The following SLC13A1 variants were observed in gnomAD, a reference collection of about 807,000 sequenced individuals.
SLC13A1 encodes solute carrier family 13 member 1, also known as Na(+)/sulfate cotransporter.
A neutral mutation model predicts 70.0 loss-of-function variants in SLC13A1; 65 were observed. The ratio of observed to expected loss-of-function variants is 0.93; its 90% CI spans 0.76 to 1.14. The LOEUF is 1.14. Among genes scored for constraint, SLC13A1 ranks in the 50% most tolerant of loss-of-function variants. SLC13A1 has a pLI of 0.00. For synonymous variants in SLC13A1, 275 were observed against 250.5 expected (o/e 1.10, Z -0.92); for missense variants, 726 against 717.8 (o/e 1.01, Z -0.13).
chr7:123,125,568 C>T lies in SLC13A1; in HGVS notation c.1240+1G>A. The T allele has an allele frequency of 6.3e-7, 1 of 1,592,628 alleles. No individual in the cohort carries two copies. Among genetic ancestry groups the T allele is most frequent in the African/African-American group, 1.4e-5 (1 of 73,936 alleles). On this transcript the variant is annotated splice_donor_variant, in intron 11 of 14. Transcript: ENST00000194130. LOFTEE classifies it high-confidence loss of function. ...ATGCAGAATTATAAATGATACTCAA[C>T]CAATTTCTCCTGTAGGTGTAGTTTT...
chr7:123,115,800 T>C (rs1793162121), intron 14 of SLC13A1, 145 bp from the exon 15 acceptor site: 2 of 820,824 alleles, frequency 2.4e-6, no homozygotes, highest in African/African-American at 3.5e-5. Flanking sequence ...TACTTTAAGT[T>C]CTAGGGTACA....
chr7:123,169,039 A>T, intron 4 of SLC13A1, 109 bp downstream of exon 4: 2 of 932,084 alleles, frequency 2.1e-6, no homozygotes, highest in Non-Finnish European at 3.2e-6. Context: ...AGTTAAATTC[A>T]TATCATGCAT....
At chr7:123,151,386 G>GTGTGTGTGTGTGTA (rs142703205) in intron 6 of SLC13A1, among the ~76,000 whole-genome samples, 1 of 145,850 alleles carries the variant, frequency 6.9e-6, no homozygotes, top group Non-Finnish European at 1.5e-5. Flanking sequence ...GTGTGTGTGT[G>GTGTGTGTGTGTGTA]TATATATATA....
At chr7:123,125,900 C>T (rs1021664272) in intron 10 of SLC13A1, among the ~76,000 whole-genome samples, 8 of 152,148 alleles carry the variant, frequency 5.3e-5, no homozygotes, top group South Asian at 2.1e-4. Flanking sequence ...CCATATATCT[C>T]TTCTTATTTT....
At chr7:123,172,217 ATT>A (rs1454711052) in intron 2 of SLC13A1, among the ~76,000 whole-genome samples, 2 of 152,164 alleles carry the variant, frequency 1.3e-5, no homozygotes, top group Non-Finnish European at 2.9e-5. Context: ...AATGACTGTG[ATT>A]TGGGAACGTT....
At chr7:123,189,509 C>T (rs1307847678) in intron 1 of SLC13A1, among the ~76,000 whole-genome samples, 1 of 151,958 alleles carries the variant, frequency 6.6e-6, no homozygotes, top group Admixed American at 6.6e-5. Flanking sequence ...TTTCAAATTG[C>T]CTTAATAGTG....
chr7:123,186,230 T>C (rs992803246), intron 1 of SLC13A1, among the ~76,000 whole-genome samples: 1 of 152,110 alleles, frequency 6.6e-6, no homozygotes, highest in Admixed American at 6.5e-5. Flanking sequence ...ACAACCATTT[T>C]CTTCTTTTGT....
intron 2 of SLC13A1, among the ~76,000 whole-genome samples, chr7:123,172,447 C>T (rs548456473): frequency 1.3e-5 from 2 of 152,254 alleles, no homozygotes; most frequent in African/African-American, 4.8e-5. Context: ...ATAGTGAAAC[C>T]CTATCTCTAC....
chr7:123,139,843 T>A, intron 7 of SLC13A1, among the ~76,000 whole-genome samples: 1 of 152,076 alleles, frequency 6.6e-6, no homozygotes, highest in Non-Finnish European at 1.5e-5. Flanking sequence ...AAATATCAGA[T>A]CATATCATCA....
At chr7:123,148,682 C>T in intron 6 of SLC13A1, 1 of 276,494 alleles carries the variant, frequency 3.6e-6, no homozygotes. Flanking sequence ...AGTAGTTAAA[C>T]AGTGCCCTAT....
At position 123,173,970 on chromosome 7, in the gene SLC13A1, GTTTT is replaced by G. The variant is rs35330071; in HGVS notation, c.229-2070_229-2067del. 5.4e-3 allele frequency among the ~76,000 whole-genome samples: 698 copies of G among 130,190 alleles called. 5 individuals are homozygous for G. The highest frequency in any genetic ancestry group is 0.019 in the African/African-American group (654 of 34,226). The allele number at this position is 130,190 out of a possible 152,430, so 85.4% of individuals were successfully genotyped here. ...CCAGTGCTTCCAGAGTCGGGAAGCT[GTTTT>G]TTTTTTTTTTTTCTCCCTGGTTCTA... is the stretch of plus-strand genomic sequence containing the variant. On this transcript the variant is annotated intron_variant, in intron 2 of 14. Coordinates refer to ENST00000194130, the MANE Select transcript of SLC13A1 (RefSeq NM_022444.4).
intron 6 of SLC13A1, among the ~76,000 whole-genome samples, chr7:123,152,691 A>G (rs948283034): frequency 5.9e-5 from 9 of 152,120 alleles, no homozygotes; most frequent in African/African-American, 9.7e-5. Flanking sequence ...TTTCTAATTA[A>G]CTTTAAGGTC....
intron 7 of SLC13A1, among the ~76,000 whole-genome samples, chr7:123,137,033 A>G (rs1250037273): frequency 6.6e-6 from 1 of 152,214 alleles, no homozygotes; most frequent in Admixed American, 6.5e-5. Context: ...GATCATGTAT[A>G]ACCTTGTAGC....
At position 123,168,540 on chromosome 7, in the gene SLC13A1, A is replaced by G. The variant is rs1019854454; in HGVS notation, c.575T>C (p.Ile192Thr). Residue 192 changes from isoleucine to threonine, a missense_variant, in exon 5 of 15, where the codon ATA becomes ACA. Ile to Thr is a moderately conservative substitution (Grantham distance 89). Transcript: ENST00000194130. ...TTTTGTTTTCTCTTTCCTCTCATTT[A>G]TTTCATGTCCATTAACACTTTCTGC... The part of the protein sequence containing the change: ...EIDESVNGHE[I>T]NERKEKTKPV... The G allele has an allele frequency of 4.3e-6, 7 of 1,609,904 alleles. No individual in the cohort carries two copies. The highest frequency in any genetic ancestry group is 5.9e-6 in the Non-Finnish European group (7 of 1,177,114).
chr7:123,128,812 G>A (rs1201175946), intron 10 of SLC13A1, 33 bp downstream of exon 10: 2 of 1,401,676 alleles, frequency 1.4e-6, no homozygotes, highest in Non-Finnish European at 2.0e-6. Context: ...TATAAAACAG[G>A]AAGGGCTGAC....
intron 1 of SLC13A1, among the ~76,000 whole-genome samples, chr7:123,184,545 A>G (rs964516765): frequency 1.3e-5 from 2 of 152,040 alleles, no homozygotes; most frequent in African/African-American, 4.8e-5. Context: ...CATTTAACAT[A>G]TATCCTTCAG....
intron 2 of SLC13A1, among the ~76,000 whole-genome samples, chr7:123,176,770 A>T (rs1404932075): frequency 6.6e-6 from 1 of 152,148 alleles, no homozygotes; most frequent in African/African-American, 2.4e-5. Context: ...GGATTCCAAG[A>T]TCCCACACCC....
chr7:123,177,859 G>C (rs1339527834), intron 2 of SLC13A1, among the ~76,000 whole-genome samples: 1 of 151,970 alleles, frequency 6.6e-6, no homozygotes, highest in Non-Finnish European at 1.5e-5. Context: ...CTATTTATCA[G>C]ATACAGTGTT....
chr7:123,137,032 T>G (rs553749052), intron 7 of SLC13A1, among the ~76,000 whole-genome samples: 1 of 152,298 alleles, frequency 6.6e-6, no homozygotes, highest in Non-Finnish European at 1.5e-5. Flanking sequence ...AGATCATGTA[T>G]AACCTTGTAG....
Sources: allele counts gnomAD v4.1 joint callset (sites outside exome capture counted in the v4.1 genomes callset), GRCh38; gene constraint gnomAD v4.1.1; transcripts MANE v1.5; gene names NCBI Gene and HGNC (gene_info 2026-07-23, HGNC 2026-07-21).